Variants in KBTBD11 observed in about 807,000 individuals in gnomAD.
KBTBD11 encodes kelch repeat and BTB domain-containing protein 11.
For synonymous variants in KBTBD11, 747 were observed against 499.0 expected (o/e 1.50, Z -6.63); for missense variants, 1,390 against 1,001.8 (o/e 1.39, Z -5.23).
intron 1 of KBTBD11, among the ~76,000 whole-genome samples, chr8:1,989,024 T>C (rs1383660197): frequency 6.6e-6 from 1 of 152,182 alleles, no homozygotes; most frequent in African/African-American, 2.4e-5. Flanking sequence ...CAGATTTATT[T>C]TAAAAGAGTC....
At chr8:1,983,015 G>C (rs893051883) in intron 1 of KBTBD11, among the ~76,000 whole-genome samples, 1 of 152,112 alleles carries the variant, frequency 6.6e-6, no homozygotes, top group Non-Finnish European at 1.5e-5. Context: ...CATGAGCCAG[G>C]TGGGCTCTTT....
intron 1 of KBTBD11, among the ~76,000 whole-genome samples, chr8:1,979,173 C>T (rs1336965429): frequency 3.3e-5 from 5 of 152,184 alleles, no homozygotes; most frequent in African/African-American, 7.2e-5. Context: ...CAGGGCAGGC[C>T]GGCAGGCTGG....
In KBTBD11 at chr8:2,002,878, C is replaced by T; in HGVS notation, c.1686C>T (p.Ile562=). Residue 562 remains isoleucine (I), a synonymous_variant, in exon 2 of 2, where the codon ATC becomes ATT. Coordinates refer to ENST00000320248, the MANE Select transcript of KBTBD11 (RefSeq NM_014867.3). This position sits in a 1 kb window ranked among gnomAD's most constrained non-coding sequence, Gnocchi z 4.1. ...PFRCAALDGA[I]YCVSRAGTWR... Reference sequence around the variant, plus strand: ...GCTGCGCCGCCCTGGACGGCGCCATCTACTGCGTGAGCCGCGCGGGCACCT... The same window carrying T: ...GCTGCGCCGCCCTGGACGGCGCCATTTACTGCGTGAGCCGCGCGGGCACCT... 2 of 1,340,296 alleles carry T rather than the reference C, an allele frequency of 1.5e-6. No homozygotes were observed. Among genetic ancestry groups the T allele is most frequent in the Non-Finnish European group, 1.9e-6 (2 of 1,051,538 alleles). 83.0% of individuals were successfully genotyped at this position (1,340,296 alleles called of 1,614,324 possible).
At position 1,993,087 on chromosome 8, in the gene KBTBD11, T is replaced by G. The variant is rs563795700; in HGVS notation, c.-908-7198T>G. On this transcript the variant is annotated intron_variant, in intron 1 of 1. Transcript: ENST00000320248. ...CCCGCGTAGCTAGGGCTACAAATGC[T>G]GCATGCCACCACTCTCAGCTAATTT... 1.7e-3 allele frequency among the ~76,000 whole-genome samples: 257 copies of G among 152,186 alleles called. 3 individuals are homozygous for G. The highest frequency in any genetic ancestry group is 5.9e-3 in the African/African-American group (246 of 41,476).
At position 2,004,126 on chromosome 8, in the gene KBTBD11, G is replaced by A. The variant is rs1213962020; in HGVS notation, c.*1062G>A. On this transcript the variant is annotated 3_prime_UTR_variant, in exon 2 of 2. Transcript: ENST00000320248. ...ATTCTAAGTGTGGCCGAGTGACAGTGGGCATAGATTTATAACAAGGAAGTG... is the reference window on the plus strand; with the variant it reads ...ATTCTAAGTGTGGCCGAGTGACAGTAGGCATAGATTTATAACAAGGAAGTG... 6.0e-6 allele frequency: 1 copy of A among 166,940 alleles called. No homozygotes were observed. Among genetic ancestry groups the A allele is most frequent in the Non-Finnish European group, 1.5e-5 (1 of 68,118 alleles). The allele number at this position is 166,940 out of a possible 1,614,324, so 10.3% of individuals were successfully genotyped here.
Position 2,003,286 on chromosome 8 carries a change from T to C in KBTBD11, c.*222T>C, listed in dbSNP as rs139950469. On this transcript the variant is annotated 3_prime_UTR_variant, in exon 2 of 2. Transcript: ENST00000320248. Reference sequence around the variant, plus strand: ...TGGATGCCTTGAGACCCAGGAGGTGTGCGGATGGGTCCCTTGACAGACAGG... The same window carrying C: ...TGGATGCCTTGAGACCCAGGAGGTGCGCGGATGGGTCCCTTGACAGACAGG... 41 of 581,592 alleles carry C rather than the reference T, an allele frequency of 7.0e-5. No homozygotes were observed. In the African/African-American group the frequency reaches 7.6e-4, roughly 11 times the overall value. 36.0% of individuals were successfully genotyped at this position (581,592 alleles called of 1,614,324 possible).
intron 1 of KBTBD11, among the ~76,000 whole-genome samples, chr8:1,978,897 C>T (rs967356215): frequency 2.0e-5 from 3 of 152,186 alleles, no homozygotes; most frequent in Non-Finnish European, 4.4e-5. Flanking sequence ...GAAAGTGCCT[C>T]CCTGGGTTCC....
At chr8:1,998,691 T>A (rs1015079656) in intron 1 of KBTBD11, among the ~76,000 whole-genome samples, 1 of 152,240 alleles carries the variant, frequency 6.6e-6, no homozygotes, top group African/African-American at 2.4e-5. Context: ...ATAAGCCAAC[T>A]GAGACAGCCA....
Position 2,001,455 on chromosome 8 carries a change from C to T in KBTBD11, c.263C>T (p.Pro88Leu), listed in dbSNP as rs1311390144. 1 of 1,360,928 alleles carries T rather than the reference C, an allele frequency of 7.3e-7. No individual in the cohort carries two copies. The highest frequency in any genetic ancestry group is 1.5e-5 in the African/African-American group (1 of 65,320). The allele number at this position is 1,360,928 out of a possible 1,614,324, so 84.3% of individuals were successfully genotyped here. A position where few individuals can be genotyped will look rare whatever the true frequency, so the allele number is the denominator to read the frequency against. ...WEAGSAGAAS[P>L]EELASPEERA... ...GCCGGCAGCGCGGGCGCCGCGTCCCCGGAGGAGCTCGCGTCCCCTGAGGAG... is the reference window on the plus strand; with the variant it reads ...GCCGGCAGCGCGGGCGCCGCGTCCCTGGAGGAGCTCGCGTCCCCTGAGGAG... The change falls in exon 2 of 2, where the codon CCG becomes CTG. Residue 88 changes from proline (P) to leucine (L), a missense_variant. By Grantham distance (98) the Pro-to-Leu change is moderately conservative. Transcript: ENST00000320248.
chr8:1,997,318 T>G (rs778917631), intron 1 of KBTBD11, among the ~76,000 whole-genome samples: 30 of 152,028 alleles, frequency 2.0e-4, no homozygotes, highest in Non-Finnish European at 4.3e-4. Context: ...CCGCGGTTGC[T>G]GATGCCTCAG....
chr8:1,997,545 C>A (rs1563375246), intron 1 of KBTBD11, among the ~76,000 whole-genome samples: 1 of 152,250 alleles, frequency 6.6e-6, no homozygotes, highest in Non-Finnish European at 1.5e-5. Context: ...CAGGCACGTT[C>A]AGTGCTGTGA....
At chr8:1,974,778 CT>C in intron 1 of KBTBD11, 1 of 836,536 alleles carries the variant, frequency 1.2e-6, no homozygotes, top group Non-Finnish European at 1.4e-6. Flanking sequence ...CCCTCCACCT[CT>C]TTAGAGTCCT....
Position 2,002,183 on chromosome 8 carries a change from C to CACG in KBTBD11, c.992_994dup (p.His331_Ala332insAsp), listed in dbSNP as rs1817400941. On this transcript the variant is annotated inframe_insertion, in exon 2 of 2. Coordinates refer to ENST00000320248, the MANE Select transcript of KBTBD11 (RefSeq NM_014867.3). The surrounding 1 kb of genome is among the most constrained non-coding windows in gnomAD (Gnocchi z 4.1). ...CGGGGACGCGGCCGTCTACTGCTTC[C>CACG]ACGCGGCGGCCGGAGAGTGGCGCGA... 1 of 1,246,816 alleles carries CACG rather than the reference C, an allele frequency of 8.0e-7. No individual in the cohort carries two copies. The highest frequency in any genetic ancestry group is 1.6e-5 in the African/African-American group (1 of 62,716). The allele number at this position is 1,246,816 out of a possible 1,614,324, so 77.2% of individuals were successfully genotyped here.
intron 1 of KBTBD11, among the ~76,000 whole-genome samples, chr8:1,993,812 A>C (rs762780925): frequency 1.0e-3 from 159 of 152,010 alleles, no homozygotes; most frequent in Non-Finnish European, 1.8e-3. Flanking sequence ...TGGCAGCTTG[A>C]GCCTAAAGAA....
At chr8:1,978,579 C>G (rs1816430647) in intron 1 of KBTBD11, among the ~76,000 whole-genome samples, 1 of 152,210 alleles carries the variant, frequency 6.6e-6, no homozygotes, top group Non-Finnish European at 1.5e-5. Context: ...AGAAAACAGC[C>G]AGGTGGAACC....
At chr8:2,000,032 T>C (rs1039299481) in intron 1 of KBTBD11, among the ~76,000 whole-genome samples, 11 of 152,190 alleles carry the variant, frequency 7.2e-5, no homozygotes, top group Non-Finnish European at 1.0e-4. Flanking sequence ...GTGGTGCCAA[T>C]TGCTTGAACT....
At chr8:1,975,008 C>T (rs11786096) in intron 1 of KBTBD11, 27,257 of 152,308 alleles carry the variant, frequency 0.18, 2,653 homozygotes, top group Middle Eastern at 0.22. Flanking sequence ...ACTCAGGCTC[C>T]AATTAGGACC....
chr8:2,001,941 A>G lies in KBTBD11; in HGVS notation c.749A>G (p.Glu250Gly). Residue 250 changes from glutamate to glycine, a missense_variant, in exon 2 of 2, where the codon GAG becomes GGG. By Grantham distance (98) the Glu-to-Gly change is moderately conservative (BLOSUM62 -2). Transcript: ENST00000320248. Reference protein sequence around the residue: ...LSAAKRQRLNELRDAAYCFMS... With the variant: ...LSAAKRQRLNGLRDAAYCFMS... ...GCGGCCAAGCGGCAGCGGCTGAACGAGCTGCGCGACGCCGCCTACTGCTTC... is the reference window on the plus strand; with the variant it reads ...GCGGCCAAGCGGCAGCGGCTGAACGGGCTGCGCGACGCCGCCTACTGCTTC... 6.8e-7 allele frequency: 1 copy of G among 1,473,350 alleles called. No homozygotes were observed. Among genetic ancestry groups the G allele is most frequent in the Non-Finnish European group, 9.0e-7 (1 of 1,109,372 alleles). 91.3% of individuals were successfully genotyped at this position (1,473,350 alleles called of 1,614,324 possible). A position where few individuals can be genotyped will look rare whatever the true frequency, so the allele number is the denominator to read the frequency against.
At position 1,979,040 on chromosome 8, in the gene KBTBD11, A is replaced by T. The variant is rs1816447625; in HGVS notation, c.-909+5105A>T. Among the ~76,000 whole-genome samples the T allele has an allele frequency of 3.9e-5, 6 of 152,162 alleles. No individual in the cohort carries two copies. In the South Asian group the frequency reaches 1.2e-3, roughly 32 times the overall value. On this transcript the variant is annotated intron_variant, in intron 1 of 1. Coordinates refer to ENST00000320248, the MANE Select transcript of KBTBD11 (RefSeq NM_014867.3). ...GTGCTGGTCAGGGTTCTCCAGGGAA[A>T]CACAACCAACTGGGTACATGTGTGT... is the stretch of plus-strand genomic sequence containing the variant.
Sources: gnomAD v4.1 joint callset for allele counts (sites outside exome capture counted in the v4.1 genomes callset) on GRCh38, gnomAD v4.1.1 for gene constraint, Gnocchi (gnomAD v3.1) non-coding constraint, MANE v1.5 for transcripts, NCBI Gene and HGNC (gene_info 2026-07-23, HGNC 2026-07-21) for gene names.